Variants in FGF14 observed in about 807,000 individuals in gnomAD.
FGF14 encodes fibroblast growth factor 14.
Under a neutral mutation model 25.5 loss-of-function variants are expected in FGF14, and 5 were observed. The ratio of observed to expected loss-of-function variants is 0.20; its 90% CI spans 0.10 to 0.41. FGF14 has a LOEUF of 0.41. FGF14 is among the 10% of genes least tolerant of loss of function. The probability of loss-of-function intolerance (pLI) is 1.00; values close to 1 mark genes in which losing one functional copy is unlikely to be tolerated. For missense variants in FGF14, 222 were observed against 320.1 expected, an observed-to-expected ratio of 0.69 and a Z score of 2.34; for synonymous variants, 138 against 118.3, an observed-to-expected ratio of 1.17 and a Z score of -1.08.
At chr13:101,982,575 T>C (rs900983176) in intron 1 of FGF14, among the ~76,000 whole-genome samples, 1 of 152,168 alleles carries the variant, frequency 6.6e-6, no homozygotes, top group Non-Finnish European at 1.5e-5. Context: ...ATAAAATAGA[T>C]CACAACAATT....
intron 1 of FGF14, among the ~76,000 whole-genome samples, chr13:102,324,367 T>C (rs1305095996): frequency 6.6e-6 from 1 of 152,150 alleles, no homozygotes; most frequent in East Asian, 1.9e-4. Context: ...GAGTCATTTA[T>C]CTAATCTCAC....
intron 1 of FGF14, among the ~76,000 whole-genome samples, chr13:102,355,588 T>C (rs35298735): frequency 0.011 from 1,714 of 150,148 alleles, 16 homozygotes; most frequent in Non-Finnish European, 0.018. Context: ...GTGAAATTGT[T>C]ACCCCAAATA....
intron 1 of FGF14, among the ~76,000 whole-genome samples, chr13:102,073,088 A>T (rs1263975572): frequency 1.3e-5 from 2 of 152,058 alleles, no homozygotes; most frequent in Non-Finnish European, 2.9e-5. Flanking sequence ...ATAAAAATAC[A>T]CACATACACA....
chr13:101,866,850 C>T (rs1339846207), intron 3 of FGF14, among the ~76,000 whole-genome samples: 3 of 152,148 alleles, frequency 2.0e-5, no homozygotes, highest in Non-Finnish European at 2.9e-5. Context: ...CTGGCCTAGG[C>T]ACAGGAGATC....
chr13:101,855,418 G>C (rs1439479726), intron 3 of FGF14, among the ~76,000 whole-genome samples: 1 of 151,886 alleles, frequency 6.6e-6, no homozygotes, highest in Non-Finnish European at 1.5e-5. Context: ...GAACAGAATG[G>C]TTAAGTTCAT....
Position 101,861,688 on chromosome 13 carries a change from T to C in FGF14, c.408+7037A>G, listed in dbSNP as rs538804266. ...GGAGTGCATGCCTCACCTAAAGGCA[T>C]TCAGATCACACAGAACCCCTGCCCC... On this transcript the variant is annotated intron_variant, in intron 3 of 4. Coordinates refer to ENST00000376143, the MANE Select transcript of FGF14 (RefSeq NM_004115.4). Among the ~76,000 whole-genome samples the C allele has an allele frequency of 7.9e-5, 12 of 152,016 alleles. No individual in the cohort carries two copies. In the East Asian group the frequency reaches 2.1e-3, roughly 27 times the overall value.
intron 1 of FGF14, among the ~76,000 whole-genome samples, chr13:102,376,553 C>T (rs1277471586): frequency 6.6e-6 from 1 of 152,110 alleles, no homozygotes; most frequent in African/African-American, 2.4e-5. Flanking sequence ...ATAGCCCAGG[C>T]CTCCTTTGTG....
intron 1 of FGF14, among the ~76,000 whole-genome samples, chr13:101,955,594 A>T (rs2036463860): frequency 6.6e-6 from 1 of 152,242 alleles, no homozygotes; most frequent in Non-Finnish European, 1.5e-5. Flanking sequence ...ACAGCATTGG[A>T]TGTGCGTGAC....
At chr13:101,843,220 C>T (rs561462554) in intron 3 of FGF14, among the ~76,000 whole-genome samples, 10 of 152,152 alleles carry the variant, frequency 6.6e-5, no homozygotes, top group Middle Eastern at 6.8e-3. Context: ...GGTAACAGAT[C>T]TAGTTTTTCC....
chr13:102,227,576 C>G (rs999467894), intron 1 of FGF14, among the ~76,000 whole-genome samples: 1 of 152,050 alleles, frequency 6.6e-6, no homozygotes, highest in Non-Finnish European at 1.5e-5. Flanking sequence ...ATGTGTACAC[C>G]ATGAATATTA....
chr13:102,162,786 C>A (rs1200366111), intron 1 of FGF14, among the ~76,000 whole-genome samples: 21 of 152,106 alleles, frequency 1.4e-4, no homozygotes, highest in African/African-American at 5.1e-4. Context: ...AAAATGTACC[C>A]CAGCCTTGTG....
At chr13:102,048,018 T>TAAAA (rs3066009) in intron 1 of FGF14, among the ~76,000 whole-genome samples, 7 of 142,958 alleles carry the variant, frequency 4.9e-5, no homozygotes, top group African/African-American at 1.8e-4. Flanking sequence ...CTTAGTTGTT[T>TAAAA]AAAAAAAAAA....
chr13:101,948,062 T>C (rs2035923670), intron 1 of FGF14, among the ~76,000 whole-genome samples: 2 of 152,232 alleles, frequency 1.3e-5, no homozygotes, highest in African/African-American at 4.8e-5. Flanking sequence ...AATGGATTTC[T>C]ACTACCATTT....
chr13:101,951,316 G>C (rs2036155031), intron 1 of FGF14, among the ~76,000 whole-genome samples: 1 of 152,096 alleles, frequency 6.6e-6, no homozygotes, highest in Non-Finnish European at 1.5e-5. Context: ...CAAGTTCAGA[G>C]GTTTTACCAG....
chr13:101,904,186 T>C (rs1024088412), intron 1 of FGF14, among the ~76,000 whole-genome samples: 2 of 152,206 alleles, frequency 1.3e-5, no homozygotes, highest in Non-Finnish European at 2.9e-5. Context: ...AGCCAGTTTG[T>C]GGGAGCACAA....
intron 3 of FGF14, among the ~76,000 whole-genome samples, chr13:101,789,404 T>C (rs1451175621): frequency 6.6e-6 from 1 of 152,148 alleles, no homozygotes; most frequent in Non-Finnish European, 1.5e-5. Flanking sequence ...ATCTCCAGGT[T>C]AGTCCTGTGA....
At chr13:101,917,061 C>G (rs1404536938), upstream of FGF14, among the ~76,000 whole-genome samples, 1 of 151,390 alleles carries the variant, frequency 6.6e-6, no homozygotes, top group African/African-American at 2.4e-5. Flanking sequence ...GCCGGCGGCT[C>G]CCCGGGCGCC....
rs556057882 is a variant in FGF14 at position 101,821,168 on chromosome 13, T to C, written c.408+47557A>G. ...TTTCACCGTGTCAGCCAGGATGTTC[T>C]CGATCTCCTGACCTCGTGATCCACC... On this transcript the variant is annotated intron_variant, in intron 3 of 4. Coordinates refer to ENST00000376143, the MANE Select transcript of FGF14 (RefSeq NM_004115.4). Among the ~76,000 whole-genome samples the C allele has an allele frequency of 3.5e-3, 535 of 152,258 alleles. 2 individuals are homozygous for C. Among genetic ancestry groups the C allele is most frequent in the South Asian group, 0.011 (55 of 4,824 alleles).
At chr13:101,863,979 G>T (rs910843364) in intron 3 of FGF14, among the ~76,000 whole-genome samples, 1 of 152,056 alleles carries the variant, frequency 6.6e-6, no homozygotes, top group African/African-American at 2.4e-5. Flanking sequence ...AACCACCTTT[G>T]TAGAAGAGGC....
Sources: allele counts gnomAD v4.1 joint callset (sites outside exome capture counted in the v4.1 genomes callset), GRCh38; gene constraint gnomAD v4.1.1; transcripts MANE v1.5; gene names NCBI Gene and HGNC (gene_info 2026-07-23, HGNC 2026-07-21).